The following CFAP61 variants were observed in gnomAD, a reference collection of about 807,000 sequenced individuals.
The protein encoded by CFAP61 is cilia and flagella associated protein 61.
A neutral mutation model predicts 135.6 loss-of-function variants in CFAP61; 107 were observed. That is an observed-to-expected ratio of 0.79 (90% CI 0.67 to 0.93). The LOEUF (loss-of-function observed/expected upper bound fraction) is 0.93. Among genes scored for constraint, CFAP61 ranks in the 40% least tolerant of loss-of-function variants. The pLI is 0.00. For missense variants in CFAP61, 1,507 were observed against 1,556.2 expected (o/e 0.97, Z 0.53); for synonymous variants, 575 against 578.5 (o/e 0.99, Z 0.09).
intron 8 of CFAP61, among the ~76,000 whole-genome samples, chr20:20,132,002 T>C (rs2050566430): frequency 1.3e-5 from 2 of 152,264 alleles, no homozygotes; most frequent in South Asian, 4.1e-4. Context: ...TATAGGTAGA[T>C]GTTGTACAGC....
intron 18 of CFAP61, among the ~76,000 whole-genome samples, chr20:20,234,264 G>A (rs901658160): frequency 1.3e-5 from 2 of 152,230 alleles, no homozygotes; most frequent in African/African-American, 4.8e-5. Flanking sequence ...CGTGGGCAGA[G>A]AGAGGCAGAC....
chr20:20,218,140 G>T lies in CFAP61; in HGVS notation c.1933-10109G>T, dbSNP rs565390806. 3.9e-5 allele frequency among the ~76,000 whole-genome samples: 6 copies of T among 152,284 alleles called. No individual in the cohort carries two copies. The East Asian group carries it at 7.7e-4, about 20-fold the overall frequency. ...CATGGCTTCCCAGCTGATATGGTTT[G>T]GCTGTGTCCCCACCCAAATCTCAAC... On this transcript the variant is annotated intron_variant, in intron 17 of 26. Transcript: ENST00000245957.
rs533551269 is a variant in CFAP61, at chr20:20,156,447, A to C, written c.952-2923A>C. On this transcript the variant is annotated intron_variant, in intron 9 of 26. Transcript: ENST00000245957. ...ACGTCACACATAATGGTGAAGGACT[A>C]ATTGTTTCACCCTTAAAGTCAGGAA... Among the ~76,000 whole-genome samples the C allele has an allele frequency of 3.5e-4, 54 of 152,318 alleles. No individual in the cohort carries two copies. In the South Asian group the frequency reaches 0.011, roughly 32 times the overall value.
chr20:20,113,966 C>CAAAAAAAAAAAAAAA (rs11456473), intron 8 of CFAP61, among the ~76,000 whole-genome samples: 1 of 94,572 alleles, frequency 1.1e-5, no homozygotes. Context: ...CATGAGAGCT[C>CAAAAAAAAAAAAAAA]AAAAAAAAAA....
chr20:20,285,924 A>C (rs1487015989), intron 22 of CFAP61, among the ~76,000 whole-genome samples: 3 of 151,202 alleles, frequency 2.0e-5, no homozygotes, highest in Admixed American at 6.6e-5. Context: ...CTGTCTCAAA[A>C]AAAAAAAAAA....
chr20:20,118,607 C>T (rs1022699012), intron 8 of CFAP61, among the ~76,000 whole-genome samples: 23 of 152,174 alleles, frequency 1.5e-4, no homozygotes, highest in African/African-American at 4.8e-4. Context: ...TCCCAAAGTG[C>T]TGGGATTACA....
At chr20:20,128,240 T>C (rs1036526025) in intron 8 of CFAP61, among the ~76,000 whole-genome samples, 2 of 151,764 alleles carry the variant, frequency 1.3e-5, no homozygotes, top group African/African-American at 4.9e-5. Flanking sequence ...AAACTTCAGC[T>C]GAAGATTTCC....
At chr20:20,087,270 A>G (rs2046873453) in intron 6 of CFAP61, among the ~76,000 whole-genome samples, 1 of 152,116 alleles carries the variant, frequency 6.6e-6, no homozygotes, top group Non-Finnish European at 1.5e-5. Flanking sequence ...ACAGTTTTTC[A>G]ACCCATACCC....
At chr20:20,317,460 G>A (rs1018694647) in intron 25 of CFAP61, among the ~76,000 whole-genome samples, 1 of 152,190 alleles carries the variant, frequency 6.6e-6, no homozygotes, top group African/African-American at 2.4e-5. Flanking sequence ...CACAGTGACA[G>A]ATGGCAGAGC....
rs571260483 is a variant in CFAP61 at position 20,056,947 on chromosome 20, A to G, written c.143+151A>G. 8 of 657,882 alleles carry G rather than the reference A, an allele frequency of 1.2e-5. No homozygotes were observed. In the East Asian group the frequency reaches 1.9e-4, roughly 16 times the overall value. 40.8% of individuals were successfully genotyped at this position (657,882 alleles called of 1,614,324 possible). On this transcript the variant is annotated intron_variant, in intron 2 of 26. Coordinates refer to ENST00000245957, the MANE Select transcript of CFAP61 (RefSeq NM_015585.4). ...AGCCTGGCCGACATGGCAAAACCTC[A>G]TCTCTACTAAAAATACAATAATCAG...
intron 2 of CFAP61, among the ~76,000 whole-genome samples, chr20:20,070,537 A>T (rs530727120): frequency 1.4e-4 from 22 of 152,330 alleles, no homozygotes; most frequent in African/African-American, 4.8e-4. Flanking sequence ...TACTGGCAAC[A>T]TGGAGAGGAT....
rs901476988 is a variant in CFAP61, at chr20:20,155,817, G to A, written c.952-3553G>A. On this transcript the variant is annotated intron_variant, in intron 9 of 26. Transcript: ENST00000245957. ...GAAAAGGGAAGAGTTTTTCAATGCT[G>A]GTGGGAATGTAAACTAGTACAAGCA... Among the ~76,000 whole-genome samples, 24 of 152,114 alleles carry A rather than the reference G, an allele frequency of 1.6e-4. 1 individual carries two copies. The highest frequency in any genetic ancestry group is 1.3e-4 in the Admixed American group (2 of 15,268).
At chr20:20,102,749 G>T (rs991724494) in intron 8 of CFAP61, among the ~76,000 whole-genome samples, 1 of 151,804 alleles carries the variant, frequency 6.6e-6, no homozygotes, top group African/African-American at 2.4e-5. Flanking sequence ...CTCTCCTACT[G>T]GTACATCCTG....
In CFAP61 at chr20:20,187,920, C is replaced by T. The variant is rs1307814993; in HGVS notation, c.1386-10C>T. The T allele has an allele frequency of 6.2e-7, 1 of 1,609,918 alleles. No homozygotes were observed. The highest frequency in any genetic ancestry group is 8.5e-7 in the Non-Finnish European group (1 of 1,176,462). ...CTTTAACTTAAAAATATATTCCTCT[C>T]CTTACCCAGGTCCATTAATATAAGA... is the stretch of plus-strand genomic sequence containing the variant. On this transcript the variant is annotated splice_polypyrimidine_tract_variant and intron_variant, in intron 13 of 26. Coordinates refer to ENST00000245957, the MANE Select transcript of CFAP61 (RefSeq NM_015585.4).
intron 18 of CFAP61, among the ~76,000 whole-genome samples, chr20:20,239,052 T>C (rs1435541053): frequency 2.6e-5 from 4 of 152,172 alleles, no homozygotes; most frequent in African/African-American, 9.7e-5. Flanking sequence ...GCCAACACCA[T>C]TAGATCTGAG....
chr20:20,305,173 G>A (rs1274241423), intron 25 of CFAP61, among the ~76,000 whole-genome samples: 1 of 152,222 alleles, frequency 6.6e-6, no homozygotes, highest in Non-Finnish European at 1.5e-5. Context: ...CTGGCTGAGT[G>A]TTGCTGTGCA....
intron 20 of CFAP61, among the ~76,000 whole-genome samples, chr20:20,261,744 T>G (rs1301413648): frequency 6.6e-6 from 1 of 152,046 alleles, no homozygotes; most frequent in Non-Finnish European, 1.5e-5. Flanking sequence ...CCATACTGGA[T>G]CCATACTCTA....
intron 17 of CFAP61, among the ~76,000 whole-genome samples, chr20:20,225,112 T>C (rs1466557899): frequency 1.3e-5 from 2 of 152,086 alleles, no homozygotes; most frequent in Non-Finnish European, 2.9e-5. Flanking sequence ...AATATTCTGC[T>C]TTCATTAAAA....
chr20:20,338,275 A>G (rs1236357752), intron 25 of CFAP61, among the ~76,000 whole-genome samples: 1 of 152,196 alleles, frequency 6.6e-6, no homozygotes, highest in African/African-American at 2.4e-5. Flanking sequence ...CAAGAGCATC[A>G]TTCTCTAAGG....
Sources: gnomAD v4.1 joint callset for allele counts (sites outside exome capture counted in the v4.1 genomes callset) on GRCh38, gnomAD v4.1.1 for gene constraint, MANE v1.5 for transcripts, NCBI Gene and HGNC (gene_info 2026-07-23, HGNC 2026-07-21) for gene names.